Variants in MYLIP observed in about 807,000 individuals in gnomAD.
MYLIP encodes myosin regulatory light chain interacting protein, also known as E3 ubiquitin-protein ligase MYLIP.
MYLIP carries 26 observed loss-of-function variants against 45.8 expected under a neutral mutation model. The ratio of observed to expected loss-of-function variants is 0.57; its 90% CI spans 0.42 to 0.79. The LOEUF is 0.79. Ranked by LOEUF, MYLIP falls within the 30% of genes least tolerant of loss-of-function variation. The pLI is 0.00. For missense variants in MYLIP, 494 were observed against 555.6 expected, an observed-to-expected ratio of 0.89 and a Z score of 1.11; for synonymous variants, 213 against 218.1, an observed-to-expected ratio of 0.98 and a Z score of 0.21.
chr6:16,130,497 G>C, intron 1 of MYLIP, 60 bp from the exon 2 acceptor site: 1 of 1,519,962 alleles, frequency 6.6e-7, no homozygotes, highest in Non-Finnish European at 9.0e-7. Flanking sequence ...TCAGGGAGCC[G>C]TTGGGTTTGC....
At chr6:16,144,833 A>G in intron 5 of MYLIP, 64 bp from the exon 6 acceptor site, 3 of 1,515,708 alleles carry the variant, frequency 2.0e-6, no homozygotes, top group Non-Finnish European at 2.7e-6. Flanking sequence ...CTTATTGACA[A>G]CAGCGAATAA....
chr6:16,148,831 T>C (rs974076258), downstream of MYLIP, among the ~76,000 whole-genome samples: 16 of 152,248 alleles, frequency 1.1e-4, no homozygotes, highest in Non-Finnish European at 1.5e-4. Flanking sequence ...TGTGTGCTCA[T>C]CTGTGTTTCT....
chr6:16,145,592 G>A (rs1191400724), intron 6 of MYLIP, among the ~76,000 whole-genome samples: 7 of 152,118 alleles, frequency 4.6e-5, no homozygotes, highest in Non-Finnish European at 7.4e-5. Context: ...TCTAGTTAGC[G>A]GCTTACCTGA....
rs1016669379 is a variant in MYLIP at position 16,147,439 on chromosome 6, G to A, written c.*688G>A. On this transcript the variant is annotated 3_prime_UTR_variant, in exon 7 of 7. Coordinates refer to ENST00000356840, the MANE Select transcript of MYLIP (RefSeq NM_013262.4). ...CCTATCCCTACCCCACAAGCCTTTC[G>A]ATTATAAAATACTACCAATCTTGTT... The A allele has an allele frequency of 6.6e-6, 1 of 152,446 alleles. No homozygotes were observed. The highest frequency in any genetic ancestry group is 1.5e-5 in the Non-Finnish European group (1 of 68,020). The allele number at this position is 152,446 out of a possible 1,614,324, so 9.4% of individuals were successfully genotyped here.
At position 16,129,586 on chromosome 6, in the gene MYLIP, G is replaced by A. The variant is rs903225242; in HGVS notation, c.87+177G>A. Among the ~76,000 whole-genome samples, 1 of 152,140 alleles carries A rather than the reference G, an allele frequency of 6.6e-6. No individual in the cohort carries two copies. Among genetic ancestry groups the A allele is most frequent in the Admixed American group, 6.5e-5 (1 of 15,284 alleles). ...GTGGGGCGCGCGGTCTCCTCCTGGC[G>A]CGCGTGGGGTGCGCGGAGAAAGCGC... On this transcript the variant is annotated intron_variant, in intron 1 of 6. Transcript: ENST00000356840. This position sits in a 1 kb window ranked among gnomAD's most constrained non-coding sequence, Gnocchi z 5.1.
chr6:16,130,602 C>T lies in MYLIP; in HGVS notation c.133C>T (p.Gln45Ter). ...GIIEVDYFGL[Q>*]FTGSKGESLW... The stretch of plus-strand genomic sequence containing the variant: ...CATAGAAGTTGACTATTTTGGACTG[C>T]AGTTTACGGGTAGCAAAGGTGAAAG... Residue 45 changes from glutamine (Q) to a stop codon, truncating the protein, a stop_gained, in exon 2 of 7, where the codon CAG (glutamine) becomes TAG (stop). Transcript: ENST00000356840. LOFTEE classifies it high-confidence loss of function. 6.2e-7 allele frequency: 1 copy of T among 1,614,164 alleles called. No individual in the cohort carries two copies. Among genetic ancestry groups the T allele is most frequent in the Non-Finnish European group, 8.5e-7 (1 of 1,180,026 alleles).
the MYLIP span, among the ~76,000 whole-genome samples, chr6:16,156,812 T>C: frequency 1.9e-4 from 29 of 152,208 alleles, no homozygotes; most frequent in Admixed American, 1.7e-3. Flanking sequence ...AACCAAAGAC[T>C]GTCCTTACCT....
chr6:16,141,499 T>C (rs1581606134), intron 2 of MYLIP, 126 bp from the exon 3 acceptor site: 6 of 850,884 alleles, frequency 7.1e-6, no homozygotes, highest in African/African-American at 1.7e-5. Context: ...AGTTCTTTAA[T>C]GTTAAGCATT....
At chr6:16,133,689 AG>A (rs1161632359) in intron 2 of MYLIP, among the ~76,000 whole-genome samples, 1 of 152,234 alleles carries the variant, frequency 6.6e-6, no homozygotes, top group Non-Finnish European at 1.5e-5. Flanking sequence ...CAGAGATTAG[AG>A]AAGTATATGC....
chr6:16,134,935 G>T (rs933847337), intron 2 of MYLIP, among the ~76,000 whole-genome samples: 2 of 152,154 alleles, frequency 1.3e-5, no homozygotes, highest in African/African-American at 2.4e-5. Context: ...TTCAAGGAAG[G>T]TTTTTAAAAC....
chr6:16,147,021 G>C lies in MYLIP; in HGVS notation c.*270G>C. On this transcript the variant is annotated 3_prime_UTR_variant, in exon 7 of 7. Transcript: ENST00000356840. ...TTGATTTTTTTTATGATCTAGTAAA[G>C]GAATAGGTAAAGTCTTTGATGTCAG... 3.3e-6 allele frequency: 1 copy of C among 303,070 alleles called. No individual in the cohort carries two copies. Among genetic ancestry groups the C allele is most frequent in the East Asian group, 5.4e-5 (1 of 18,640 alleles). 18.8% of individuals were successfully genotyped at this position (303,070 alleles called of 1,614,324 possible).
chr6:16,146,694 T>C lies in MYLIP; in HGVS notation c.1281T>C (p.His427=), dbSNP rs1384132355. 1.9e-6 allele frequency: 3 copies of C among 1,612,040 alleles called. No individual in the cohort carries two copies. Among genetic ancestry groups the C allele is most frequent in the African/African-American group, 1.3e-5 (1 of 74,912 alleles). Residue 427 remains histidine (H), a synonymous_variant, in exon 7 of 7, where the codon CAT becomes CAC. Coordinates refer to ENST00000356840, the MANE Select transcript of MYLIP (RefSeq NM_013262.4). Reference sequence around the variant, plus strand: ...CCGTCTGCAGGTCGCGTGTGGAGCATGTCCAGCACGTCTATCTGCCAACGC... The same window carrying C: ...CCGTCTGCAGGTCGCGTGTGGAGCACGTCCAGCACGTCTATCTGCCAACGC... ...SCPVCRSRVE[H]VQHVYLPTHT...
chr6:16,142,955 A>G, intron 3 of MYLIP, 65 bp from the exon 4 acceptor site: 1 of 1,483,288 alleles, frequency 6.7e-7, no homozygotes, highest in Non-Finnish European at 9.2e-7. Flanking sequence ...CGTGAAGACT[A>G]CATAGGTTTA....
chr6:16,131,114 C>T (rs569515690), intron 2 of MYLIP, among the ~76,000 whole-genome samples: 1 of 151,430 alleles, frequency 6.6e-6, no homozygotes. Flanking sequence ...GTAACCTCTG[C>T]CTCAGCAGTG....
the MYLIP span, among the ~76,000 whole-genome samples, chr6:16,158,743 A>G: frequency 6.6e-6 from 1 of 152,222 alleles, no homozygotes; most frequent in Non-Finnish European, 1.5e-5. Context: ...GGTGGCGGGC[A>G]CCTGTAGTCC....
At chr6:16,141,927 T>C in intron 3 of MYLIP, 117 bp downstream of exon 3, 1 of 973,192 alleles carries the variant, frequency 1.0e-6, no homozygotes, top group Middle Eastern at 3.3e-4. Context: ...ATTTTTGAGC[T>C]CTCTGATGTT....
At chr6:16,143,368 A>G in intron 4 of MYLIP, 151 bp downstream of exon 4, 7 of 814,684 alleles carry the variant, frequency 8.6e-6, no homozygotes, top group Admixed American at 2.7e-5. Context: ...ATTCAGGCCT[A>G]AATAACCATT....
chr6:16,154,801 C>G, the MYLIP span, among the ~76,000 whole-genome samples: 1 of 152,134 alleles, frequency 6.6e-6, no homozygotes, highest in Non-Finnish European at 1.5e-5. Flanking sequence ...TTAGGCTTCC[C>G]CCTTTGCACA....
At chr6:16,161,290 G>A in the MYLIP span, 2 of 371,088 alleles carry the variant, frequency 5.4e-6, no homozygotes, top group Admixed American at 2.8e-5. Context: ...CAAGCCTGCT[G>A]TCACATCTAT....
Sources: allele counts gnomAD v4.1 joint callset (sites outside exome capture counted in the v4.1 genomes callset), GRCh38; gene constraint gnomAD v4.1.1; non-coding constraint Gnocchi (gnomAD v3.1); transcripts MANE v1.5; gene names NCBI Gene and HGNC (gene_info 2026-07-23, HGNC 2026-07-21).